Variants in PHLDB2 observed in about 807,000 individuals in gnomAD.
PHLDB2 encodes pleckstrin homology-like domain family B member 2.
PHLDB2 carries 71 observed loss-of-function variants against 123.6 expected under a neutral mutation model. The observed-to-expected ratio is 0.57, with a 90% CI of 0.47 to 0.70. The LOEUF is 0.70. Among genes scored for constraint, PHLDB2 ranks in the 30% least tolerant of loss-of-function variants. The pLI, the probability that PHLDB2 is intolerant of heterozygous loss-of-function variation, is 0.00. For missense variants in PHLDB2, 1,446 were observed against 1,519.5 expected (o/e 0.95, Z 0.80); for synonymous variants, 547 against 541.6 (o/e 1.01, Z -0.14).
In PHLDB2 at chr3:111,859,295, G is replaced by A; in HGVS notation, c.-296G>A. ...GTTGCTGCGAACGTAGCTTTGAGAA[G>A]CTGGCGCCCAGTGATGGGGCAAACA... On this transcript the variant is annotated 5_prime_UTR_variant, in exon 1 of 18. Transcript: ENST00000431670. 1 of 985,538 alleles carries A rather than the reference G, an allele frequency of 1.0e-6. No homozygotes were observed. Among genetic ancestry groups the A allele is most frequent in the South Asian group, 4.7e-5 (1 of 21,290 alleles). The allele number at this position is 985,538 out of a possible 1,614,324, so 61.0% of individuals were successfully genotyped here.
chr3:111,780,412 A>AAGAAGAAGAAGAAGAAGAAGAAG lies in PHLDB2; in HGVS notation c.-49+47710_-49+47711insGAAGAAGAAGAAGAAGAAGAAGA, dbSNP rs1326616017. On this transcript the variant is annotated intron_variant, in intron 1 of 17. Transcript: ENST00000393923. ...AGAAGAAGAAGAAGAAGAAGAAGAA[A>AAGAAGAAGAAGAAGAAGAAGAAG]AAGATTAGTTCGGCCCAACTTTCTG... is the stretch of plus-strand genomic sequence containing the variant. 4.3e-5 allele frequency among the ~76,000 whole-genome samples: 5 copies of AAGAAGAAGAAGAAGAAGAAGAAG among 116,680 alleles called. 1 individual carries two copies. The highest frequency in any genetic ancestry group is 1.0e-4 in the African/African-American group (3 of 29,142). 76.5% of individuals were successfully genotyped at this position (116,680 alleles called of 152,430 possible). A position where few individuals can be genotyped will look rare whatever the true frequency, so the allele number is the denominator to read the frequency against.
intron 1 of PHLDB2, among the ~76,000 whole-genome samples, chr3:111,816,409 A>G (rs1398282224): frequency 6.6e-6 from 1 of 152,204 alleles, no homozygotes; most frequent in Non-Finnish European, 1.5e-5. Context: ...TCCCAAGACT[A>G]TGGGAACCTA....
chr3:111,857,556 C>T (rs554554370), upstream of PHLDB2, among the ~76,000 whole-genome samples: 18 of 151,644 alleles, frequency 1.2e-4, no homozygotes, highest in South Asian at 2.7e-3. Context: ...AAAGAGATGA[C>T]GTGGGTGAGA....
At position 111,932,310 on chromosome 3, in the gene PHLDB2, G is replaced by C; in HGVS notation, c.2043G>C (p.Arg681Ser). The change falls in exon 6 of 18, where the codon AGG (arginine) becomes AGC (serine). Residue 681 changes from arginine (R) to serine (S), a missense_variant. By Grantham distance (110) the Arg-to-Ser change is moderately radical. This residue lies in a region of PHLDB2 where 832 missense variants were observed against 831.9 expected (regional missense o/e 1.00). Coordinates refer to ENST00000431670, the MANE Select transcript of PHLDB2 (RefSeq NM_001134438.2). ...ATGCTGAAAGGGAAAAACTAGAGAG[G>C]CTTCAGGAGCTTTACTCCGAGCAGA... ...KLDAEREKLE[R>S]LQELYSEQKT... is the part of the protein sequence containing the mutation. 2 of 1,551,490 alleles carry C rather than the reference G, an allele frequency of 1.3e-6. No homozygotes were observed. The highest frequency in any genetic ancestry group is 1.2e-5 in the South Asian group (1 of 84,026).
At chr3:111,827,685 CAAAAAAAAA>C (rs565813163) in intron 1 of PHLDB2, among the ~76,000 whole-genome samples, 12 of 73,198 alleles carry the variant, frequency 1.6e-4, no homozygotes, top group Middle Eastern at 9.8e-3. Context: ...GAATCCGTCT[CAAAAAAAAA>C]AAAAAAAAAA....
intron 2 of PHLDB2, among the ~76,000 whole-genome samples, chr3:111,900,456 T>G (rs756389213): frequency 1.3e-4 from 20 of 152,148 alleles, no homozygotes; most frequent in Non-Finnish European, 2.2e-4. Flanking sequence ...CTAATTTCAA[T>G]ATTGTGTCTT....
intron 2 of PHLDB2, among the ~76,000 whole-genome samples, chr3:111,894,707 C>A (rs984436711): frequency 9.2e-5 from 14 of 151,436 alleles, no homozygotes; most frequent in African/African-American, 2.9e-4. Flanking sequence ...GCATGAATGT[C>A]TTCTTTTGAG....
At chr3:111,780,316 G>GAAA (rs1433984756) in intron 1 of PHLDB2, among the ~76,000 whole-genome samples, 1 of 3,226 alleles carries the variant, frequency 3.1e-4, no homozygotes, top group Non-Finnish European at 4.3e-3. Flanking sequence ...AGAGGAAGAG[G>GAAA]AAGAGGAAGA....
intron 1 of PHLDB2, among the ~76,000 whole-genome samples, chr3:111,766,137 C>T (rs2060076608): frequency 6.6e-6 from 1 of 151,982 alleles, no homozygotes; most frequent in Non-Finnish European, 1.5e-5. Context: ...TTTTCAAGAA[C>T]CTTCTTAAGA....
At position 111,763,847 on chromosome 3, in the gene PHLDB2, T is replaced by C. The variant is rs139568104; in HGVS notation, c.-49+31144T>C. 8.0e-3 allele frequency among the ~76,000 whole-genome samples: 1,217 copies of C among 152,244 alleles called. 7 individuals carry two copies. Among genetic ancestry groups the C allele is most frequent in the South Asian group, 0.012 (58 of 4,822 alleles). On this transcript the variant is annotated intron_variant, in intron 1 of 17. Transcript: ENST00000393923. Reference sequence around the variant, plus strand: ...AGTCCCTCACCAGACACTGAATCTGTTGGTGCCTTGATCTTAGACTTCCCA... The same window carrying C: ...AGTCCCTCACCAGACACTGAATCTGCTGGTGCCTTGATCTTAGACTTCCCA...
At chr3:111,889,393 C>CTT (rs573206904) in intron 2 of PHLDB2, among the ~76,000 whole-genome samples, 38 of 147,138 alleles carry the variant, frequency 2.6e-4, no homozygotes, top group Admixed American at 8.1e-4. Context: ...CAAATCAGGT[C>CTT]TTTTTTTTTT....
chr3:111,834,360 A>G (rs964812257), intron 1 of PHLDB2, among the ~76,000 whole-genome samples: 2 of 142,762 alleles, frequency 1.4e-5, no homozygotes, highest in Non-Finnish European at 3.0e-5. Flanking sequence ...TCAGATGACT[A>G]TATATATAGT....
At chr3:111,846,715 T>C (rs2064006289) in intron 2 of PHLDB2, among the ~76,000 whole-genome samples, 1 of 152,018 alleles carries the variant, frequency 6.6e-6, no homozygotes, top group African/African-American at 2.4e-5. Context: ...ACAGAACCAA[T>C]AGAACACACA....
At chr3:111,910,487 T>C (rs2067823284) in intron 2 of PHLDB2, among the ~76,000 whole-genome samples, 1 of 152,168 alleles carries the variant, frequency 6.6e-6, no homozygotes, top group Non-Finnish European at 1.5e-5. Context: ...TAGCAGGTTG[T>C]TAGGTGAAGC....
At chr3:111,850,088 C>G (rs926414347) in intron 2 of PHLDB2, among the ~76,000 whole-genome samples, 3 of 151,844 alleles carry the variant, frequency 2.0e-5, no homozygotes, top group African/African-American at 7.3e-5. Context: ...GTCTCGATCT[C>G]CTGACCTTGT....
chr3:111,739,299 G>A (rs1479853292), intron 1 of PHLDB2, among the ~76,000 whole-genome samples: 10 of 152,112 alleles, frequency 6.6e-5, no homozygotes, highest in African/African-American at 2.4e-4. Flanking sequence ...ACTTGGCTGG[G>A]AGAGTAAAGA....
At chr3:111,913,789 T>TA (rs1303885823) in intron 3 of PHLDB2, 87 bp downstream of exon 3, 1 of 1,404,958 alleles carries the variant, frequency 7.1e-7, no homozygotes, top group Admixed American at 2.2e-5. Context: ...TTTATCATGC[T>TA]AATTATCCAG....
At chr3:111,891,171 A>G (rs1291288671) in intron 2 of PHLDB2, among the ~76,000 whole-genome samples, 2 of 152,180 alleles carry the variant, frequency 1.3e-5, no homozygotes, top group Non-Finnish European at 2.9e-5. Context: ...ATTCTTTGAC[A>G]AATTAGATGT....
chr3:111,906,599 T>C (rs1577054274), intron 2 of PHLDB2, among the ~76,000 whole-genome samples: 1 of 152,242 alleles, frequency 6.6e-6, no homozygotes, highest in African/African-American at 2.4e-5. Context: ...GTATTGAGCA[T>C]GTTTGAGAAA....
Sources: allele counts gnomAD v4.1 joint callset (sites outside exome capture counted in the v4.1 genomes callset), GRCh38; gene constraint gnomAD v4.1.1; regional missense constraint gnomAD v4.1.1; transcripts MANE v1.5; gene names NCBI Gene and HGNC (gene_info 2026-07-23, HGNC 2026-07-21).